MYOM2: variants seen among roughly 807,000 people sequenced by gnomAD.
MYOM2 encodes myomesin 2.
A neutral mutation model predicts 187.6 loss-of-function variants in MYOM2; 254 were observed. The observed-to-expected ratio is 1.35, with a 90% CI of 1.22 to 1.50. The LOEUF is 1.50. Among genes scored for constraint, MYOM2 ranks in the 40% most tolerant of loss-of-function variants. The probability of loss-of-function intolerance (pLI) is 0.00; values close to 1 mark genes in which losing one functional copy is unlikely to be tolerated. For missense variants in MYOM2, 2,796 were observed against 1,924.0 expected (o/e 1.45, Z -8.48); for synonymous variants, 981 against 753.8 (o/e 1.30, Z -4.94).
At chr8:2,113,658 G>A (rs1017683815) in intron 25 of MYOM2, among the ~76,000 whole-genome samples, 1 of 152,246 alleles carries the variant, frequency 6.6e-6, no homozygotes, top group Middle Eastern at 3.4e-3. Flanking sequence ...TGATCAAGAA[G>A]GCTTCTCAGG....
chr8:2,139,229 C>T (rs540649719), intron 32 of MYOM2, among the ~76,000 whole-genome samples: 87 of 152,342 alleles, frequency 5.7e-4, no homozygotes, highest in African/African-American at 2.0e-3. Context: ...CAGCCTTGAC[C>T]TCCTCGGGCT....
intron 14 of MYOM2, among the ~76,000 whole-genome samples, chr8:2,086,507 G>C (rs1251022176): frequency 6.6e-6 from 1 of 150,724 alleles, no homozygotes; most frequent in Non-Finnish European, 1.5e-5. Flanking sequence ...CCACTGTCGT[G>C]ATCTCTGCGT....
chr8:2,063,997 T>G (rs1458021922), intron 6 of MYOM2, among the ~76,000 whole-genome samples: 3 of 152,206 alleles, frequency 2.0e-5, no homozygotes, highest in African/African-American at 7.2e-5. Flanking sequence ...GGGGGTGAGC[T>G]GAGTGCCTGT....
intron 32 of MYOM2, among the ~76,000 whole-genome samples, chr8:2,134,914 C>G (rs188307373): frequency 1.1e-3 from 167 of 152,232 alleles, no homozygotes; most frequent in African/African-American, 4.0e-3. Context: ...CAGAGACTAT[C>G]GATGTCTCAG....
intron 25 of MYOM2, among the ~76,000 whole-genome samples, chr8:2,113,298 C>G (rs183415895): frequency 6.6e-6 from 1 of 152,358 alleles, no homozygotes; most frequent in East Asian, 1.9e-4. Flanking sequence ...AGACCCTGCT[C>G]AATGTCAGAC....
At chr8:2,066,084 T>C (rs139482422) in intron 6 of MYOM2, among the ~76,000 whole-genome samples, 2 of 152,220 alleles carry the variant, frequency 1.3e-5, no homozygotes, top group Non-Finnish European at 2.9e-5. Context: ...GCGTTCACCC[T>C]TCCTCACTGA....
At chr8:2,086,519 G>A (rs1301878333) in intron 14 of MYOM2, among the ~76,000 whole-genome samples, 1 of 151,256 alleles carries the variant, frequency 6.6e-6, no homozygotes, top group Non-Finnish European at 1.5e-5. Flanking sequence ...TCTCTGCGTG[G>A]CCCCACACTG....
chr8:2,108,593 C>G (rs1445270356), intron 23 of MYOM2, among the ~76,000 whole-genome samples, 193 bp from the exon 24 acceptor site: 2 of 152,164 alleles, frequency 1.3e-5, no homozygotes, highest in Non-Finnish European at 2.9e-5. Flanking sequence ...TGCCCCTGTA[C>G]TAGGTGGGTT....
At chr8:2,064,689 A>G (rs1207403407) in intron 6 of MYOM2, among the ~76,000 whole-genome samples, 1 of 152,220 alleles carries the variant, frequency 6.6e-6, no homozygotes, top group Non-Finnish European at 1.5e-5. Flanking sequence ...AAGTCAATTG[A>G]AAAACAAGCT....
chr8:2,068,204 C>T (rs958586254), intron 6 of MYOM2, among the ~76,000 whole-genome samples: 2 of 151,840 alleles, frequency 1.3e-5, no homozygotes, highest in East Asian at 3.9e-4. Flanking sequence ...ATCCTGGGGA[C>T]AGCTCTTCAA....
chr8:2,076,496 TTG>T, intron 11 of MYOM2: 1 of 611,220 alleles, frequency 1.6e-6, no homozygotes, highest in Admixed American at 3.4e-5. Context: ...GGGTTTCTTT[TTG>T]TTGAAAGTGG....
chr8:2,082,043 G>A (rs1198192032), intron 13 of MYOM2: 1 of 152,246 alleles, frequency 6.6e-6, no homozygotes, highest in East Asian at 1.9e-4. Flanking sequence ...GGTTATGGGA[G>A]GCTGAGGGTG....
chr8:2,096,504 CG>C, intron 18 of MYOM2, 70 bp downstream of exon 18: 2 of 1,430,430 alleles, frequency 1.4e-6, no homozygotes, highest in Middle Eastern at 3.6e-4. Flanking sequence ...AATGTTTCTG[CG>C]TTTGATGACA....
chr8:2,085,466 CCGCTG>C, intron 14 of MYOM2, 76 bp downstream of exon 14: 1 of 1,507,978 alleles, frequency 6.6e-7, no homozygotes, highest in Non-Finnish European at 8.9e-7. Context: ...GCGTGGCCCA[CCGCTG>C]TCGTGATCTC....
chr8:2,103,635 A>G (rs1257897463), intron 21 of MYOM2, among the ~76,000 whole-genome samples: 6 of 150,544 alleles, frequency 4.0e-5, no homozygotes, highest in African/African-American at 1.5e-4. Flanking sequence ...AATGAGTGGG[A>G]GAGCGTGCAT....
At chr8:2,143,806 C>T (rs543464812) in intron 36 of MYOM2, among the ~76,000 whole-genome samples, 67 of 152,300 alleles carry the variant, frequency 4.4e-4, no homozygotes, top group Admixed American at 6.5e-4. Flanking sequence ...CAGCCACACT[C>T]GCCCTGACCT....
chr8:2,121,285 G>C (rs975166612), intron 28 of MYOM2, among the ~76,000 whole-genome samples: 1 of 152,084 alleles, frequency 6.6e-6, no homozygotes, highest in Non-Finnish European at 1.5e-5. Flanking sequence ...TATTCTTTTT[G>C]TTGTTGTTGG....
intron 28 of MYOM2, among the ~76,000 whole-genome samples, chr8:2,121,795 A>C (rs1797468784): frequency 6.6e-6 from 1 of 152,238 alleles, no homozygotes; most frequent in South Asian, 2.1e-4. Context: ...GAAGTGGAGA[A>C]TTAGCGCTGA....
intron 14 of MYOM2, among the ~76,000 whole-genome samples, chr8:2,087,671 C>T (rs1386753862): frequency 6.6e-6 from 1 of 152,210 alleles, no homozygotes; most frequent in African/African-American, 2.4e-5. Flanking sequence ...AGTGCAGTGG[C>T]ACAGTCATGG....
Sources: allele counts gnomAD v4.1 joint callset (sites outside exome capture counted in the v4.1 genomes callset), GRCh38; gene constraint gnomAD v4.1.1; transcripts MANE v1.5; gene names NCBI Gene and HGNC (gene_info 2026-07-23, HGNC 2026-07-21).